Variants in IL16 observed in about 807,000 individuals in gnomAD.
IL16 encodes the protein pro-interleukin-16.
A neutral mutation model predicts 110.1 loss-of-function variants in IL16; 67 were observed. That is an observed-to-expected ratio of 0.61 (90% CI 0.50 to 0.75). The LOEUF (loss-of-function observed/expected upper bound fraction) is 0.75, where lower values mean the gene tolerates loss of function less well. IL16 is among the 30% of genes least tolerant of loss of function. The pLI is 0.00. For synonymous variants in IL16, 689 were observed against 662.9 expected (o/e 1.04, Z -0.61); for missense variants, 1,545 against 1,655.0 (o/e 0.93, Z 1.15).
chr15:81,251,982 C>T (rs1897784081), intron 2 of IL16, among the ~76,000 whole-genome samples: 4 of 152,050 alleles, frequency 2.6e-5, no homozygotes, highest in African/African-American at 7.2e-5. Context: ...AAAAACTGGT[C>T]CTATCAGGTT....
At chr15:81,228,157 G>A (rs1896849507) in intron 2 of IL16, among the ~76,000 whole-genome samples, 1 of 152,138 alleles carries the variant, frequency 6.6e-6, no homozygotes, top group Non-Finnish European at 1.5e-5. Flanking sequence ...CCGGGCACAG[G>A]TGAGCACGTC....
chr15:81,269,660 T>C lies in IL16; in HGVS notation c.675+12T>C, dbSNP rs764014693. ...AGGGCCAGGCTAAGGTGAGAAGGGATTGTGGCCAACAGGAAGTCCTGGGGG... is the reference window on the plus strand; with the variant it reads ...AGGGCCAGGCTAAGGTGAGAAGGGACTGTGGCCAACAGGAAGTCCTGGGGG... On this transcript the variant is annotated intron_variant, in intron 5 of 18. Coordinates refer to ENST00000683961, the MANE Select transcript of IL16 (RefSeq NM_172217.5). 28 of 1,594,788 alleles carry C rather than the reference T, an allele frequency of 1.8e-5. No homozygotes were observed. The highest frequency in any genetic ancestry group is 1.2e-4 in the Admixed American group (7 of 59,974).
intron 1 of IL16, among the ~76,000 whole-genome samples, chr15:81,215,892 G>T (rs965053708): frequency 3.3e-5 from 5 of 152,216 alleles, no homozygotes; most frequent in Non-Finnish European, 1.5e-5. Context: ...GTTGGATTCT[G>T]GCTGCACTGG....
In IL16 at chr15:81,285,814, G is replaced by A. The variant is rs752038207; in HGVS notation, c.1316G>A (p.Arg439Gln). ...DPGPVPIIVS[R>Q]HPDPQVSEQQ... ...GGTCCAGTCCCCATCATTGTTAGCC[G>A]ACATCCAGACCCACAGGTAACACCC... Residue 439 changes from arginine (R) to glutamine (Q), a missense_variant, in exon 10 of 19, where the codon CGA (arginine) becomes CAA (glutamine). Physicochemically the swap from Arg to Gln is conservative, Grantham distance 43. Transcript: ENST00000683961. The A allele has an allele frequency of 1.5e-5, 25 of 1,614,026 alleles. No homozygotes were observed. Among genetic ancestry groups the A allele is most frequent in the Non-Finnish European group, 1.9e-5 (23 of 1,180,006 alleles).
At chr15:81,271,037 A>G (rs963436797) in intron 5 of IL16, among the ~76,000 whole-genome samples, 1 of 152,144 alleles carries the variant, frequency 6.6e-6, no homozygotes, top group Admixed American at 6.5e-5. Context: ...AGCAAATCAC[A>G]CAATAAAACC....
intron 1 of IL16, among the ~76,000 whole-genome samples, chr15:81,209,688 C>T (rs1317032338): frequency 1.3e-5 from 2 of 152,138 alleles, no homozygotes; most frequent in South Asian, 2.1e-4. Context: ...TGGAGAAGCT[C>T]GGAGTACTCA....
intron 1 of IL16, among the ~76,000 whole-genome samples, chr15:81,204,517 G>A (rs1407901773): frequency 6.6e-6 from 1 of 151,896 alleles, no homozygotes. Context: ...AATTTATTGA[G>A]AGTTTTTAGC....
At position 81,239,827 on chromosome 15, in the gene IL16, G is replaced by A. The variant is rs114231095; in HGVS notation, c.312+14116G>A. Among the ~76,000 whole-genome samples the A allele has an allele frequency of 6.9e-3, 1,050 of 152,226 alleles. 18 individuals carry two copies. Among genetic ancestry groups the A allele is most frequent in the African/African-American group, 0.024 (981 of 41,542 alleles). On this transcript the variant is annotated intron_variant, in intron 2 of 18. Transcript: ENST00000683961. ...TTTGGCTTTGCCTATTGGCAGTTCT[G>A]GGTTGCAGGCCTCTCCAGCCTCTAG... is the stretch of plus-strand genomic sequence containing the variant.
At chr15:81,304,757 G>T (rs1487379882) in intron 16 of IL16, among the ~76,000 whole-genome samples, 1 of 152,162 alleles carries the variant, frequency 6.6e-6, no homozygotes, top group Non-Finnish European at 1.5e-5. Flanking sequence ...TCAGAGGAGA[G>T]GTTCTGCTTC....
At chr15:81,203,693 G>A (rs145586271) in intron 1 of IL16, among the ~76,000 whole-genome samples, 12,798 of 152,094 alleles carry the variant, frequency 0.084, 540 homozygotes, top group Middle Eastern at 0.1. Context: ...CTCTGTTTTG[G>A]TACCAGTACC....
At chr15:81,251,722 C>T (rs1031520385) in intron 2 of IL16, among the ~76,000 whole-genome samples, 5 of 152,168 alleles carry the variant, frequency 3.3e-5, no homozygotes, top group African/African-American at 4.8e-5. Context: ...GCATATATTA[C>T]TTTGCTTACT....
chr15:81,194,804 A>C (rs545267383), upstream of IL16, among the ~76,000 whole-genome samples: 4 of 152,296 alleles, frequency 2.6e-5, no homozygotes, highest in Admixed American at 1.3e-4. Context: ...AGAAGTTTCT[A>C]ATTTCATCTG....
intron 2 of IL16, among the ~76,000 whole-genome samples, chr15:81,232,058 T>C (rs906041629): frequency 2.8e-5 from 4 of 140,634 alleles, no homozygotes; most frequent in Middle Eastern, 3.6e-3. Context: ...TTTTTTTTTT[T>C]TTTTTTTTCT....
upstream of IL16, among the ~76,000 whole-genome samples, chr15:81,195,474 A>C (rs1009320766): frequency 1.3e-5 from 2 of 152,130 alleles, no homozygotes; most frequent in African/African-American, 4.8e-5. Flanking sequence ...AAATTCCTTC[A>C]CTGCACTCCA....
chr15:81,306,609 A>T, intron 18 of IL16, 64 bp downstream of exon 18: 1 of 1,595,606 alleles, frequency 6.3e-7, no homozygotes, highest in Non-Finnish European at 8.5e-7. Context: ...GGCCCCCAAA[A>T]GGCTTCTGGG....
At chr15:81,265,250 G>T (rs913111063) in intron 3 of IL16, among the ~76,000 whole-genome samples, 1 of 152,112 alleles carries the variant, frequency 6.6e-6, no homozygotes, top group Non-Finnish European at 1.5e-5. Flanking sequence ...ACTGGGTCTC[G>T]CCTGTTTGTG....
chr15:81,197,134 G>A lies in IL16; in HGVS notation c.-120G>A. The A allele has an allele frequency of 7.8e-7, 1 of 1,288,512 alleles. No individual in the cohort carries two copies. The highest frequency in any genetic ancestry group is 1.0e-6 in the Non-Finnish European group (1 of 988,328). The allele number at this position is 1,288,512 out of a possible 1,614,324, so 79.8% of individuals were successfully genotyped here. A position where few individuals can be genotyped will look rare whatever the true frequency, so the allele number is the denominator to read the frequency against. ...GGCAGCCCCGGGGGACTGTGCATAG[G>A]GAGGTAGGTGGGCACCAGGTGAGTG... On this transcript the variant is annotated 5_prime_UTR_variant, in exon 1 of 19. Transcript: ENST00000683961.
At chr15:81,291,672 G>A (rs1899723193) in intron 11 of IL16, among the ~76,000 whole-genome samples, 1 of 152,140 alleles carries the variant, frequency 6.6e-6, no homozygotes, top group African/African-American at 2.4e-5. Context: ...TCTCAAGGAT[G>A]TGTGGGTAGC....
In IL16 at chr15:81,300,380, C is replaced by A. The variant is rs1383617487; in HGVS notation, c.3054C>A (p.Pro1018=). The change falls in exon 14 of 19, where the codon CCC becomes CCA. Residue 1018 remains proline, a synonymous_variant. Coordinates refer to ENST00000683961, the MANE Select transcript of IL16 (RefSeq NM_172217.5). ...SISCAQTPCI[P]KEGASPTSSS... ...CCTGTGCCCAGACTCCCTGCATCCC[C>A]AAGGAAGGGGCATCTCCAACATCAT... 1 of 1,614,092 alleles carries A rather than the reference C, an allele frequency of 6.2e-7. No individual in the cohort carries two copies.
Sources: allele counts gnomAD v4.1 joint callset (sites outside exome capture counted in the v4.1 genomes callset), GRCh38; gene constraint gnomAD v4.1.1; transcripts MANE v1.5; gene names NCBI Gene and HGNC (gene_info 2026-07-23, HGNC 2026-07-21).